Variants in GALNT16 observed in about 807,000 individuals in gnomAD.
GALNT16 encodes the protein polypeptide N-acetylgalactosaminyltransferase 16.
A neutral mutation model predicts 76.1 loss-of-function variants in GALNT16; 40 were observed. The observed-to-expected ratio is 0.53, with a 90% confidence interval of 0.41 to 0.68. The LOEUF (loss-of-function observed/expected upper bound fraction) is 0.68, where lower values mean the gene tolerates loss of function less well. GALNT16 is among the 30% of genes least tolerant of loss of function. GALNT16 has a pLI of 0.00. For missense variants in GALNT16, 621 were observed against 731.9 expected (o/e 0.85, Z 1.75); for synonymous variants, 276 against 285.2 (o/e 0.97, Z 0.32).
Position 69,333,690 on chromosome 14 carries a change from G to A in GALNT16, c.967+90G>A, listed in dbSNP as rs1426232586. 4.1e-6 allele frequency: 3 copies of A among 728,608 alleles called. No individual in the cohort carries two copies. The highest frequency in any genetic ancestry group is 1.5e-5 in the South Asian group (1 of 64,766). 45.1% of individuals were successfully genotyped at this position (728,608 alleles called of 1,614,324 possible). A position where few individuals can be genotyped will look rare whatever the true frequency, so the allele number is the denominator to read the frequency against. On this transcript the variant is annotated intron_variant, in intron 9 of 14. Transcript: ENST00000448469. This position sits in a 1 kb window ranked among gnomAD's most constrained non-coding sequence, Gnocchi z 4.2. ...GAGCACTTTCTATGCGTGAGGACCT[G>A]CTCTAAGGACTTTACACACATGAGG... is the stretch of plus-strand genomic sequence containing the variant.
At chr14:69,380,708 T>C in the GALNT16 span, 10 of 856,564 alleles carry the variant, frequency 1.2e-5, no homozygotes, top group South Asian at 1.4e-4. Flanking sequence ...AATCCCCAAA[T>C]TATAACTGCC....
At chr14:69,343,790 T>C (rs1304084404) in intron 12 of GALNT16, among the ~76,000 whole-genome samples, 1 of 152,086 alleles carries the variant, frequency 6.6e-6, no homozygotes, top group Admixed American at 6.5e-5. Context: ...TGCCACAGGG[T>C]CTGATGACAC....
At chr14:69,312,801 C>G (rs540962356) in intron 1 of GALNT16, among the ~76,000 whole-genome samples, 3 of 152,308 alleles carry the variant, frequency 2.0e-5, no homozygotes, top group Admixed American at 2.0e-4. Flanking sequence ...CGACCTCCAG[C>G]CTGAGCTTGT....
chr14:69,356,754 T>A (rs1298330622), downstream of GALNT16: 1 of 151,994 alleles, frequency 6.6e-6, no homozygotes, highest in East Asian at 1.9e-4. Flanking sequence ...AGACAGGGTT[T>A]CACCGTGTTA....
rs2044248105 is a variant in GALNT16, at chr14:69,260,436, A to G, written c.146A>G (p.Gln49Arg). The change falls in exon 1 of 15, where the codon CAG becomes CGG. Residue 49 changes from glutamine (Q) to arginine (R), a missense_variant. Physicochemically the swap from Gln to Arg is conservative, Grantham distance 43 (BLOSUM62 1). Coordinates refer to ENST00000448469, the MANE Select transcript of GALNT16 (RefSeq NM_001168368.2). Reference sequence around the variant, plus strand: ...CAGAGGGCAGGCAGGAGGTCGGAGCAGCTCCGCGAGGACCGCACCATCCCG... The same window carrying G: ...CAGAGGGCAGGCAGGAGGTCGGAGCGGCTCCGCGAGGACCGCACCATCCCG... ...GAQRAGRRSE[Q>R]LREDRTIPLI... 1 of 1,577,856 alleles carries G rather than the reference A, an allele frequency of 6.3e-7. No homozygotes were observed. Among genetic ancestry groups the G allele is most frequent in the Admixed American group, 1.8e-5 (1 of 55,626 alleles).
rs553955445 is a variant in GALNT16 at position 69,353,646 on chromosome 14, T to C, written c.*1478T>C. The C allele has an allele frequency of 2.0e-5, 3 of 152,302 alleles. No homozygotes were observed. Among genetic ancestry groups the C allele is most frequent in the Non-Finnish European group, 1.5e-5 (1 of 68,054 alleles). 9.4% of individuals were successfully genotyped at this position (152,302 alleles called of 1,614,324 possible). On this transcript the variant is annotated 3_prime_UTR_variant, in exon 15 of 15. Transcript: ENST00000448469. ...CCAAGGATCCACATACCCATAGAGT[T>C]CATGGATTCTAGAGGGTCTAGGAAT... is the stretch of plus-strand genomic sequence containing the variant.
intron 1 of GALNT16, among the ~76,000 whole-genome samples, chr14:69,300,471 C>G (rs1347115794): frequency 1.3e-5 from 2 of 152,184 alleles, no homozygotes; most frequent in Admixed American, 6.5e-5. Context: ...CTAGGGAGCC[C>G]AGGCAGCATT....
intron 1 of GALNT16, among the ~76,000 whole-genome samples, chr14:69,300,174 T>A (rs575582221): frequency 6.6e-6 from 1 of 152,300 alleles, no homozygotes; most frequent in South Asian, 2.1e-4. Context: ...GGTGAACCCC[T>A]CTGTGTCCCC....
intron 1 of GALNT16, among the ~76,000 whole-genome samples, chr14:69,276,316 G>A (rs2044470612): frequency 6.6e-6 from 1 of 152,232 alleles, no homozygotes; most frequent in Non-Finnish European, 1.5e-5. Flanking sequence ...AAAAGAGAGT[G>A]TGACTTTATC....
At chr14:69,346,908 C>T (rs74059974) in intron 12 of GALNT16, 132 bp from the exon 13 acceptor site, 37 of 1,025,120 alleles carry the variant, frequency 3.6e-5, no homozygotes, top group African/African-American at 3.6e-4. Flanking sequence ...CCCTGCTGGC[C>T]AGGCTGCTCC....
chr14:69,324,826 C>A, intron 3 of GALNT16, 36 bp downstream of exon 3: 1 of 1,386,196 alleles, frequency 7.2e-7, no homozygotes, highest in South Asian at 1.3e-5. Flanking sequence ...CTCAGTGGTG[C>A]TGGCAGGGGA....
chr14:69,280,234 A>G (rs1359494169), intron 1 of GALNT16, among the ~76,000 whole-genome samples: 1 of 151,076 alleles, frequency 6.6e-6, no homozygotes, highest in African/African-American at 2.5e-5. Flanking sequence ...CTACTATCCT[A>G]CTTTCTGTCT....
chr14:69,262,714 C>T (rs2044292254), intron 1 of GALNT16, among the ~76,000 whole-genome samples: 1 of 152,214 alleles, frequency 6.6e-6, no homozygotes, highest in South Asian at 2.1e-4. Context: ...CACTGACCCC[C>T]CCGTCAGGCA....
At chr14:69,342,484 G>GGGAGGGAGGGAA (rs2045502756) in intron 12 of GALNT16, among the ~76,000 whole-genome samples, 1 of 70,982 alleles carries the variant, frequency 1.4e-5, no homozygotes, top group Non-Finnish European at 3.5e-5. Context: ...AAGGGAGGGA[G>GGGAGGGAGGGAA]GGAGGGAGGG....
intron 9 of GALNT16, among the ~76,000 whole-genome samples, chr14:69,336,753 A>G (rs1195458631): frequency 1.3e-5 from 2 of 151,502 alleles, no homozygotes; most frequent in Non-Finnish European, 2.9e-5. Flanking sequence ...TTAGAGACAG[A>G]GTCTCCCTCT....
intron 14 of GALNT16, 130 bp downstream of exon 14, chr14:69,348,132 G>A: frequency 1.1e-6 from 1 of 883,354 alleles, no homozygotes; most frequent in South Asian, 1.5e-5. Flanking sequence ...GTGGGGAGGG[G>A]GAGCAAAGTC....
chr14:69,348,323 C>T (rs1032067294), intron 14 of GALNT16: 9 of 544,284 alleles, frequency 1.7e-5, no homozygotes, highest in Admixed American at 1.0e-4. Flanking sequence ...CTTTTACTGA[C>T]AGTCTGTGCT....
chr14:69,331,112 T>C (rs965533409), intron 6 of GALNT16, among the ~76,000 whole-genome samples: 1 of 152,200 alleles, frequency 6.6e-6, no homozygotes, highest in Non-Finnish European at 1.5e-5. Context: ...GTCCCAGGAA[T>C]CATCTAGGCT....
intron 5 of GALNT16, among the ~76,000 whole-genome samples, chr14:69,327,864 A>G (rs1256888934): frequency 6.6e-6 from 1 of 152,276 alleles, no homozygotes; most frequent in East Asian, 1.9e-4. Flanking sequence ...ACAGAACCTG[A>G]CATGTGTGGG....
Sources: gnomAD v4.1 joint callset for allele counts (sites outside exome capture counted in the v4.1 genomes callset) on GRCh38, gnomAD v4.1.1 for gene constraint, Gnocchi (gnomAD v3.1) non-coding constraint, MANE v1.5 for transcripts, NCBI Gene and HGNC (gene_info 2026-07-23, HGNC 2026-07-21) for gene names.